The following NEDD9 variants were observed in gnomAD, a reference collection of about 807,000 sequenced individuals.
The protein encoded by NEDD9 is neural precursor cell expressed, developmentally down-regulated 9.
Under a neutral mutation model 76.6 loss-of-function variants are expected in NEDD9, and 26 were observed. The observed-to-expected ratio is 0.34, with a 90% CI of 0.25 to 0.47. The LOEUF (loss-of-function observed/expected upper bound fraction) is 0.47. Ranked by LOEUF, NEDD9 falls within the 20% of genes least tolerant of loss-of-function variation. NEDD9 has a pLI of 1.00. For missense variants in NEDD9, 937 were observed against 1,058.5 expected (o/e 0.89, Z 1.59); for synonymous variants, 392 against 414.2 (o/e 0.95, Z 0.65).
At chr6:11,199,955 G>A (rs768711830) in intron 2 of NEDD9, 1 of 158,774 alleles carries the variant, frequency 6.3e-6, no homozygotes, top group Non-Finnish European at 1.4e-5. Flanking sequence ...TTACAGGCGT[G>A]AGCCACTGCG....
chr6:11,306,542 T>C (rs778968250), intron 2 of NEDD9, among the ~76,000 whole-genome samples: 3 of 152,208 alleles, frequency 2.0e-5, no homozygotes, highest in Non-Finnish European at 4.4e-5. Context: ...TTTGTATGGA[T>C]AGTAGAGGTG....
At chr6:11,287,706 T>C (rs1299802007) in intron 3 of NEDD9, among the ~76,000 whole-genome samples, 1 of 152,208 alleles carries the variant, frequency 6.6e-6, no homozygotes, top group East Asian at 1.9e-4. Context: ...TGGTTTCATG[T>C]GAAATCTACT....
At chr6:11,257,739 C>T (rs994823421) in intron 3 of NEDD9, among the ~76,000 whole-genome samples, 3 of 150,364 alleles carry the variant, frequency 2.0e-5, no homozygotes, top group Non-Finnish European at 2.9e-5. Flanking sequence ...TTCTGCCTTC[C>T]AGCAGCCCCG....
intron 3 of NEDD9, among the ~76,000 whole-genome samples, chr6:11,192,983 T>C (rs1343950325): frequency 1.4e-5 from 2 of 141,958 alleles, no homozygotes; most frequent in African/African-American, 5.1e-5. Context: ...ATATCTACGC[T>C]GTCTGTACTT....
At chr6:11,330,386 C>T (rs1006606748) in intron 2 of NEDD9, among the ~76,000 whole-genome samples, 3 of 152,046 alleles carry the variant, frequency 2.0e-5, no homozygotes, top group Non-Finnish European at 2.9e-5. Context: ...GATATTTTGG[C>T]GGGAACAGAG....
intron 1 of NEDD9, among the ~76,000 whole-genome samples, chr6:11,356,834 T>C (rs1164321525): frequency 2.0e-5 from 3 of 149,988 alleles, no homozygotes; most frequent in East Asian, 2.0e-4. Context: ...CTTTCAACCA[T>C]CTTTCTAAAG....
chr6:11,302,126 A>G (rs1017562742), intron 3 of NEDD9, among the ~76,000 whole-genome samples: 5 of 152,202 alleles, frequency 3.3e-5, no homozygotes, highest in African/African-American at 1.2e-4. Flanking sequence ...TAGCAAGACC[A>G]ATAAAAAAGA....
chr6:11,299,074 C>T (rs1168050225), intron 3 of NEDD9, among the ~76,000 whole-genome samples: 1 of 152,190 alleles, frequency 6.6e-6, no homozygotes, highest in Non-Finnish European at 1.5e-5. Flanking sequence ...TGGGGTATTT[C>T]CCTTTCCTAG....
At position 11,205,352 on chromosome 6, in the gene NEDD9, T is replaced by C. The variant is rs184537470; in HGVS notation, c.459+7929A>G. Reference sequence around the variant, plus strand: ...CACCCCCACTTTAGTTCTAACACTATCTTGCAAAATGAGACGGAAGCATGG... The same window carrying C: ...CACCCCCACTTTAGTTCTAACACTACCTTGCAAAATGAGACGGAAGCATGG... On this transcript the variant is annotated intron_variant, in intron 2 of 6. Coordinates refer to ENST00000379446, the MANE Select transcript of NEDD9 (RefSeq NM_006403.4). Among the ~76,000 whole-genome samples the C allele has an allele frequency of 7.9e-5, 12 of 152,350 alleles. No homozygotes were observed. The East Asian group carries it at 2.1e-3, about 27-fold the overall frequency.
intron 3 of NEDD9, among the ~76,000 whole-genome samples, chr6:11,254,549 T>G (rs1012903954): frequency 3.3e-5 from 5 of 152,234 alleles, no homozygotes; most frequent in African/African-American, 1.2e-4. Flanking sequence ...TCTTTGGTGG[T>G]GATTTCTGAG....
intron 2 of NEDD9, chr6:11,200,294 G>C (rs770927349): frequency 2.2e-5 from 10 of 458,832 alleles, no homozygotes; most frequent in Admixed American, 1.6e-4. Context: ...GAAGACATCA[G>C]GGTTGCCAGA....
At chr6:11,335,669 T>C (rs2113512654) in intron 1 of NEDD9, among the ~76,000 whole-genome samples, 1 of 152,308 alleles carries the variant, frequency 6.6e-6, no homozygotes, top group African/African-American at 2.4e-5. Flanking sequence ...TTTCCAAGTG[T>C]TCATTGAATC....
intron 1 of NEDD9, among the ~76,000 whole-genome samples, chr6:11,231,812 T>A (rs1419908112): frequency 6.6e-6 from 1 of 152,270 alleles, no homozygotes; most frequent in East Asian, 1.9e-4. Flanking sequence ...GCTGCTGAAG[T>A]ACTATGACTA....
chr6:11,317,262 G>A (rs145759041), intron 2 of NEDD9, among the ~76,000 whole-genome samples: 3,711 of 151,980 alleles, frequency 0.024, 68 homozygotes, highest in Middle Eastern at 0.051. Context: ...GTGAAACCCC[G>A]TCTCTACTAA....
chr6:11,246,325 A>G (rs776496593), intron 3 of NEDD9, among the ~76,000 whole-genome samples: 16 of 152,162 alleles, frequency 1.1e-4, no homozygotes, highest in Non-Finnish European at 2.2e-4. Flanking sequence ...GGCTGCTTCC[A>G]TCTCTCTCAT....
chr6:11,264,865 G>GTTTC (rs1368887235), intron 3 of NEDD9, among the ~76,000 whole-genome samples: 13 of 146,648 alleles, frequency 8.9e-5, no homozygotes, highest in African/African-American at 1.6e-4. Context: ...CTGTTTGTTT[G>GTTTC]TTTGTTTCTT....
At chr6:11,294,139 G>T (rs1288296441) in intron 3 of NEDD9, among the ~76,000 whole-genome samples, 1 of 152,182 alleles carries the variant, frequency 6.6e-6, no homozygotes, top group Admixed American at 6.5e-5. Flanking sequence ...AATGAACATG[G>T]AGGTGCATAG....
rs61435147 is a variant in NEDD9, at chr6:11,356,727, ACC to A, written c.-213-22168_-213-22167del. On this transcript the variant is annotated intron_variant, in intron 1 of 3. Transcript: ENST00000397378. Reference sequence around the variant, plus strand: ...TTAATCGTTGGCATCATCATAACCCACCCCCCCCACCCTTTCCCCTCCCCCTG... The same window carrying A: ...TTAATCGTTGGCATCATCATAACCCACCCCCCACCCTTTCCCCTCCCCCTG... 1.8e-3 allele frequency among the ~76,000 whole-genome samples: 202 copies of A among 112,620 alleles called. 2 individuals carry two copies. Among genetic ancestry groups the A allele is most frequent in the African/African-American group, 6.1e-3 (197 of 32,260 alleles). 73.9% of individuals were successfully genotyped at this position (112,620 alleles called of 152,430 possible). A position where few individuals can be genotyped will look rare whatever the true frequency, so the allele number is the denominator to read the frequency against.
Position 11,184,258 on chromosome 6 carries a change from C to G in NEDD9, c.*904G>C, listed in dbSNP as rs192992764. 1.3e-5 allele frequency: 2 copies of G among 152,138 alleles called. No individual in the cohort carries two copies. The highest frequency in any genetic ancestry group is 3.8e-4 in the East Asian group (2 of 5,198). The allele number at this position is 152,138 out of a possible 1,614,324, so 9.4% of individuals were successfully genotyped here. On this transcript the variant is annotated 3_prime_UTR_variant, in exon 7 of 7. Transcript: ENST00000379446. ...CAGAAAGGCCTCTACTTGCAACTGG[C>G]GGATCAAACCATTCCCCTATTTTGG... is the stretch of plus-strand genomic sequence containing the variant.
Sources: allele counts gnomAD v4.1 joint callset (sites outside exome capture counted in the v4.1 genomes callset), GRCh38; gene constraint gnomAD v4.1.1; transcripts MANE v1.5; gene names NCBI Gene and HGNC (gene_info 2026-07-23, HGNC 2026-07-21).